MYOM1: variants seen among roughly 807,000 people sequenced by gnomAD.
The protein encoded by MYOM1 is myomesin-1.
MYOM1 carries 164 observed loss-of-function variants against 205.3 expected under a neutral mutation model. The observed-to-expected ratio is 0.80, with a 90% CI of 0.70 to 0.91. MYOM1 has a LOEUF of 0.91. MYOM1 is among the 40% of genes least tolerant of loss of function. The pLI is 0.00. For synonymous variants in MYOM1, 772 were observed against 789.4 expected, an observed-to-expected ratio of 0.98 and a Z score of 0.37; for missense variants, 2,011 against 2,127.3, an observed-to-expected ratio of 0.95 and a Z score of 1.08.
rs201956704 is a variant in MYOM1, at chr18:3,186,800, A to G, written c.929+680T>C. ...AAGGAAGGAGAGAGAGAAAGAAAGA[A>G]AGAGAAAGAAAGAAAGAAAGAAAGA... On this transcript the variant is annotated intron_variant, in intron 5 of 37. Coordinates refer to ENST00000356443, the MANE Select transcript of MYOM1 (RefSeq NM_003803.4). 1.2e-3 allele frequency among the ~76,000 whole-genome samples: 97 copies of G among 84,026 alleles called. 1 individual carries two copies. Among genetic ancestry groups the G allele is most frequent in the African/African-American group, 5.1e-3 (84 of 16,510 alleles). 55.1% of individuals were successfully genotyped at this position (84,026 alleles called of 152,430 possible). A position where few individuals can be genotyped will look rare whatever the true frequency, so the allele number is the denominator to read the frequency against.
At chr18:3,133,389 TG>T (rs1215684142) in intron 16 of MYOM1, among the ~76,000 whole-genome samples, 1 of 152,140 alleles carries the variant, frequency 6.6e-6, no homozygotes, top group Non-Finnish European at 1.5e-5. Context: ...CTGGTCTGGG[TG>T]CAGATCAGAA....
chr18:3,211,631 T>C (rs1190404123), intron 2 of MYOM1, among the ~76,000 whole-genome samples: 1 of 152,214 alleles, frequency 6.6e-6, no homozygotes, highest in Non-Finnish European at 1.5e-5. Flanking sequence ...TCCTAAATTA[T>C]TTTCTTTATT....
intron 10 of MYOM1, among the ~76,000 whole-genome samples, chr18:3,158,080 G>A (rs1432751257): frequency 6.6e-6 from 1 of 152,050 alleles, no homozygotes; most frequent in East Asian, 1.9e-4. Flanking sequence ...TGAACTATAT[G>A]ATAATCAAAA....
intron 13 of MYOM1, among the ~76,000 whole-genome samples, chr18:3,145,150 A>T (rs2080107102): frequency 6.6e-6 from 1 of 152,086 alleles, no homozygotes; most frequent in South Asian, 2.1e-4. Context: ...CTCTACTAAA[A>T]ATACAAAAAT....
intron 3 of MYOM1, among the ~76,000 whole-genome samples, chr18:3,191,007 C>T (rs773512592): frequency 6.6e-6 from 1 of 152,120 alleles, no homozygotes; most frequent in African/African-American, 2.4e-5. Flanking sequence ...CACGAGAACT[C>T]AACTACAGTT....
chr18:3,205,251 G>C (rs1488463762), intron 2 of MYOM1, among the ~76,000 whole-genome samples: 1 of 152,022 alleles, frequency 6.6e-6, no homozygotes, highest in Non-Finnish European at 1.5e-5. Flanking sequence ...AAAACTTCTG[G>C]TTTTGGAAAG....
At chr18:3,139,879 T>G (rs947317397) in intron 14 of MYOM1, among the ~76,000 whole-genome samples, 1 of 152,208 alleles carries the variant, frequency 6.6e-6, no homozygotes, top group Non-Finnish European at 1.5e-5. Flanking sequence ...AGAGTTTATA[T>G]GACCAGAGGA....
chr18:3,204,545 T>C (rs1174523898), intron 2 of MYOM1, among the ~76,000 whole-genome samples: 1 of 151,848 alleles, frequency 6.6e-6, no homozygotes, highest in Non-Finnish European at 1.5e-5. Flanking sequence ...ACATTGACAA[T>C]TACAAAACAT....
In MYOM1 at chr18:3,086,153, T is replaced by C; in HGVS notation, c.4138-2A>G. On this transcript the variant is annotated splice_acceptor_variant, in intron 29 of 37. Coordinates refer to ENST00000356443, the MANE Select transcript of MYOM1 (RefSeq NM_003803.4). LOFTEE classifies it high-confidence loss of function. ...AGTCTCCTTCTTAATATTTGCCACC[T>C]AGGAGAAAAACCATAATTACTTTTC... is the stretch of plus-strand genomic sequence containing the variant. The C allele has an allele frequency of 6.4e-7, 1 of 1,563,896 alleles. No individual in the cohort carries two copies.
intron 2 of MYOM1, 104 bp from the exon 3 acceptor site, chr18:3,194,062 T>C: frequency 1.7e-6 from 2 of 1,164,336 alleles, no homozygotes; most frequent in South Asian, 1.6e-5. Flanking sequence ...TACCAAATCC[T>C]AGATCTCTAA....
intron 13 of MYOM1, among the ~76,000 whole-genome samples, chr18:3,145,390 A>G (rs1413565235): frequency 2.0e-5 from 3 of 152,210 alleles, no homozygotes; most frequent in Non-Finnish European, 2.9e-5. Context: ...CCATAAAACA[A>G]GTTCAAGAAA....
At chr18:3,168,240 T>C (rs1339791049) in intron 9 of MYOM1, among the ~76,000 whole-genome samples, 1 of 152,244 alleles carries the variant, frequency 6.6e-6, no homozygotes, top group Non-Finnish European at 1.5e-5. Context: ...TTTTATGGTA[T>C]AAATAAGTCT....
At chr18:3,197,497 T>A (rs950247061) in intron 2 of MYOM1, among the ~76,000 whole-genome samples, 1 of 152,228 alleles carries the variant, frequency 6.6e-6, no homozygotes, top group African/African-American at 2.4e-5. Flanking sequence ...TCTATCCATA[T>A]ACTACTGTAT....
chr18:3,238,380 G>C, the MYOM1 span, among the ~76,000 whole-genome samples: 1 of 152,082 alleles, frequency 6.6e-6, no homozygotes, highest in Non-Finnish European at 1.5e-5. Context: ...CTGGGGGAGG[G>C]GGGAGGCAGG....
At chr18:3,165,537 C>T (rs2080455454) in intron 9 of MYOM1, among the ~76,000 whole-genome samples, 1 of 152,138 alleles carries the variant, frequency 6.6e-6, no homozygotes, top group African/African-American at 2.4e-5. Flanking sequence ...AATTCTAAGC[C>T]TCAAAACCAG....
At chr18:3,243,289 A>C in the MYOM1 span, among the ~76,000 whole-genome samples, 1 of 152,236 alleles carries the variant, frequency 6.6e-6, no homozygotes, top group Non-Finnish European at 1.5e-5. Context: ...TCATGTATGA[A>C]GAATTAGAAT....
chr18:3,229,572 TA>T, the MYOM1 span, among the ~76,000 whole-genome samples: 3 of 152,236 alleles, frequency 2.0e-5, no homozygotes, highest in Non-Finnish European at 2.9e-5. Flanking sequence ...TTGGAATAAT[TA>T]GGCTAATGTA....
In MYOM1 at chr18:3,112,345, C is replaced by G. The variant is rs369347536; in HGVS notation, c.3371G>C (p.Gly1124Ala). The part of the protein sequence containing the change: ...RVRAINQAGV[G>A]KPSDLAGPVV... ...AGGGCCAGCAAGGTCAGATGGCTTC[C>G]CAACTCCCGCCTGGTTTATGGCTCG... Residue 1124 changes from glycine (G) to alanine (A), a missense_variant, in exon 22 of 38, where the codon GGG becomes GCG. Physicochemically the swap from Gly to Ala is moderately conservative, Grantham distance 60. Transcript: ENST00000356443. 6.2e-7 allele frequency: 1 copy of G among 1,612,846 alleles called. No homozygotes were observed. The highest frequency in any genetic ancestry group is 8.5e-7 in the Non-Finnish European group (1 of 1,179,066).
rs180811006 is a variant in MYOM1 at position 3,091,576 on chromosome 18, G to A, written c.3865-774C>T. On this transcript the variant is annotated intron_variant, in intron 26 of 37. Coordinates refer to ENST00000356443, the MANE Select transcript of MYOM1 (RefSeq NM_003803.4). ...TTATATTCTTATACCCAGGTAAAGG[G>A]AAATATTATGTGGAGTTTATGACCT... Among the ~76,000 whole-genome samples the A allele has an allele frequency of 2.6e-3, 401 of 152,154 alleles. 3 individuals are homozygous for A. Among genetic ancestry groups the A allele is most frequent in the African/African-American group, 9.1e-3 (379 of 41,524 alleles).
Sources: gnomAD v4.1 joint callset for allele counts (sites outside exome capture counted in the v4.1 genomes callset) on GRCh38, gnomAD v4.1.1 for gene constraint, MANE v1.5 for transcripts, NCBI Gene and HGNC (gene_info 2026-07-23, HGNC 2026-07-21) for gene names.